The following CDIN1 variants were observed in gnomAD, a reference collection of about 807,000 sequenced individuals.
CDIN1 encodes the protein CDAN1-interacting nuclease 1.
In CDIN1, 33 loss-of-function variants were observed where a neutral mutation model predicts 45.3. The observed-to-expected ratio is 0.73, with a 90% CI of 0.55 to 0.97. The LOEUF (loss-of-function observed/expected upper bound fraction) is 0.97. Among genes scored for constraint, CDIN1 ranks in the 50% least tolerant of loss-of-function variants. The probability of loss-of-function intolerance (pLI) is 0.00; values close to 1 mark genes in which losing one functional copy is unlikely to be tolerated. For synonymous variants in CDIN1, 118 were observed against 124.4 expected (o/e 0.95, Z 0.34); for missense variants, 303 against 339.4 (o/e 0.89, Z 0.84).
chr15:36,788,721 TATC>T (rs1320413685), intron 10 of CDIN1, among the ~76,000 whole-genome samples: 2 of 152,014 alleles, frequency 1.3e-5, no homozygotes, highest in African/African-American at 4.8e-5. Context: ...ACTGAATAAT[TATC>T]ATTTTTTTTA....
intron 10 of CDIN1, among the ~76,000 whole-genome samples, chr15:36,746,348 G>A (rs112895390): frequency 0.011 from 1,652 of 152,166 alleles, 20 homozygotes; most frequent in Non-Finnish European, 0.019. Context: ...AATAGAAAAG[G>A]AACAAAAACA....
intron 10 of CDIN1, among the ~76,000 whole-genome samples, chr15:36,754,668 T>C (rs1164771028): frequency 6.6e-6 from 1 of 152,002 alleles, no homozygotes; most frequent in Non-Finnish European, 1.5e-5. Context: ...TGCTGTGTTT[T>C]GTATATACAG....
intron 10 of CDIN1, chr15:36,756,024 C>G (rs2053601062): frequency 2.2e-6 from 1 of 455,660 alleles, no homozygotes; most frequent in African/African-American, 2.0e-5. Flanking sequence ...TGTGCTGAGT[C>G]CAGCAAGGAG....
intron 8 of CDIN1, among the ~76,000 whole-genome samples, chr15:36,700,641 A>G (rs1775024093): frequency 6.6e-6 from 1 of 151,462 alleles, no homozygotes; most frequent in African/African-American, 2.4e-5. Flanking sequence ...TATTGCCAGT[A>G]GCTAACTACT....
At chr15:36,598,437 C>T (rs558883753) in intron 1 of CDIN1, among the ~76,000 whole-genome samples, 2 of 152,278 alleles carry the variant, frequency 1.3e-5, no homozygotes, top group East Asian at 3.9e-4. Flanking sequence ...AATCGTTCTC[C>T]CAGACATGAT....
At chr15:36,639,379 G>GC (rs11437773) in intron 1 of CDIN1, among the ~76,000 whole-genome samples, 77,582 of 151,978 alleles carry the variant, frequency 0.51, 20,090 homozygotes, top group Admixed American at 0.59. Flanking sequence ...GCCAAGGTGG[G>GC]GGATCACTTG....
At chr15:36,675,859 G>A (rs768450144) in intron 5 of CDIN1, among the ~76,000 whole-genome samples, 5 of 152,044 alleles carry the variant, frequency 3.3e-5, no homozygotes, top group Non-Finnish European at 5.9e-5. Context: ...AACCTGGTAG[G>A]ATATTTTTAT....
At position 36,809,748 on chromosome 15, in the gene CDIN1, C is replaced by T. The variant is rs1014332221; in HGVS notation, c.*1295C>T. 7 of 152,118 alleles carry T rather than the reference C, an allele frequency of 4.6e-5. No homozygotes were observed. Among genetic ancestry groups the T allele is most frequent in the Admixed American group, 2.0e-4 (3 of 15,272 alleles). 9.4% of individuals were successfully genotyped at this position (152,118 alleles called of 1,614,324 possible). The stretch of plus-strand genomic sequence containing the variant: ...TTTGCAGACAGCTTTAACTTATATA[C>T]ATTGCTTGATTTTTTTCAAAAGACT... On this transcript the variant is annotated 3_prime_UTR_variant, in exon 11 of 11. Coordinates refer to ENST00000566621, the MANE Select transcript of CDIN1 (RefSeq NM_001321759.2).
intron 10 of CDIN1, among the ~76,000 whole-genome samples, chr15:36,717,770 GTTATACCAT>G (rs1487828122): frequency 2.0e-5 from 3 of 152,060 alleles, no homozygotes; most frequent in African/African-American, 7.2e-5. Flanking sequence ...TTCTGAAGTG[GTTATACCAT>G]TTTATATTCC....
chr15:36,693,827 T>G (rs1488364076), intron 7 of CDIN1, among the ~76,000 whole-genome samples: 2 of 152,212 alleles, frequency 1.3e-5, no homozygotes, highest in Non-Finnish European at 2.9e-5. Flanking sequence ...AGACAAAGTC[T>G]AAGTGTTTTT....
At chr15:36,613,576 T>A (rs2038748678) in intron 1 of CDIN1, 3 of 1,485,992 alleles carry the variant, frequency 2.0e-6, no homozygotes, top group Non-Finnish European at 2.8e-6. Flanking sequence ...AGCAAGAAGT[T>A]GAGGGAGAAA....
chr15:36,771,330 A>G (rs1006207835), intron 10 of CDIN1, among the ~76,000 whole-genome samples: 2 of 152,214 alleles, frequency 1.3e-5, no homozygotes, highest in African/African-American at 4.8e-5. Flanking sequence ...CTGCACATGT[A>G]TCCCAGGACT....
chr15:36,703,332 TAGATCTATCAG>T (rs2042724719), intron 8 of CDIN1, among the ~76,000 whole-genome samples: 1 of 134,468 alleles, frequency 7.4e-6, no homozygotes, highest in African/African-American at 3.0e-5. Context: ...ATATATCAGA[TAGATCTATCAG>T]ATATATACAT....
intron 5 of CDIN1, among the ~76,000 whole-genome samples, chr15:36,689,970 A>T (rs1346703802): frequency 6.6e-6 from 1 of 152,234 alleles, no homozygotes; most frequent in Non-Finnish European, 1.5e-5. Context: ...AGCAATGGGC[A>T]TTAAACTTGG....
At chr15:36,603,424 T>C (rs986160818) in intron 1 of CDIN1, among the ~76,000 whole-genome samples, 1 of 152,214 alleles carries the variant, frequency 6.6e-6, no homozygotes, top group Non-Finnish European at 1.5e-5. Flanking sequence ...TTTTAAAGCA[T>C]TTCTTATTTG....
In CDIN1 at chr15:36,592,884, C is replaced by T. The variant is rs186327971; in HGVS notation, c.101+12923C>T. On this transcript the variant is annotated intron_variant, in intron 1 of 10. Coordinates refer to ENST00000566621, the MANE Select transcript of CDIN1 (RefSeq NM_001321759.2). ...CTTTCTGTTGGAATTTAGAAATGCT[C>T]TAGTGGTACACCCGAGGGTTTATCA... 1.6e-3 allele frequency among the ~76,000 whole-genome samples: 251 copies of T among 152,146 alleles called. 2 individuals are homozygous for T. The Middle Eastern group carries it at 0.027, about 16-fold the overall frequency.
At chr15:36,667,387 G>T (rs2160422) in intron 5 of CDIN1, among the ~76,000 whole-genome samples, 67,283 of 151,570 alleles carry the variant, frequency 0.44, 15,210 homozygotes, top group East Asian at 0.66. Flanking sequence ...CTTTTAAATT[G>T]TTATTGTGCT....
At chr15:36,597,343 A>T (rs2037884283) in intron 1 of CDIN1, among the ~76,000 whole-genome samples, 1 of 152,196 alleles carries the variant, frequency 6.6e-6, no homozygotes, top group Non-Finnish European at 1.5e-5. Flanking sequence ...CAATGCTCTC[A>T]GTGACCTCTT....
In CDIN1 at chr15:36,682,833, C is replaced by T. The variant is rs185298900; in HGVS notation, c.347-8852C>T. On this transcript the variant is annotated intron_variant, in intron 5 of 10. Coordinates refer to ENST00000566621, the MANE Select transcript of CDIN1 (RefSeq NM_001321759.2). The stretch of plus-strand genomic sequence containing the variant: ...TTGACCAAATATCTGGGTACCCCAT[C>T]GCCCAGTCAAGTTGACACATAAAAT... Among the ~76,000 whole-genome samples the T allele has an allele frequency of 1.2e-3, 180 of 150,772 alleles. 1 individual carries two copies. Among genetic ancestry groups the T allele is most frequent in the Middle Eastern group, 0.01 (3 of 286 alleles).
Sources: allele counts gnomAD v4.1 joint callset (sites outside exome capture counted in the v4.1 genomes callset), GRCh38; gene constraint gnomAD v4.1.1; transcripts MANE v1.5; gene names NCBI Gene and HGNC (gene_info 2026-07-23, HGNC 2026-07-21).